The following MX2 variants were observed in gnomAD, a reference collection of about 807,000 sequenced individuals.
MX2 encodes interferon-induced GTP-binding protein Mx2.
A neutral mutation model predicts 74.0 loss-of-function variants in MX2; 51 were observed. That is an observed-to-expected ratio of 0.69 (90% CI 0.55 to 0.87). The LOEUF (loss-of-function observed/expected upper bound fraction) is 0.87, where lower values mean the gene tolerates loss of function less well. MX2 is among the 40% of genes least tolerant of loss of function. The probability of loss-of-function intolerance (pLI) is 0.00; values close to 1 mark genes in which losing one functional copy is unlikely to be tolerated. For synonymous variants in MX2, 369 were observed against 339.3 expected (o/e 1.09, Z -0.96); for missense variants, 832 against 908.7 (o/e 0.92, Z 1.09).
chr21:41,382,635 G>A (rs2089512717), intron 5 of MX2, 71 bp downstream of exon 5: 1 of 1,583,840 alleles, frequency 6.3e-7, no homozygotes, highest in African/African-American at 1.3e-5. Context: ...CCAGGGTCCT[G>A]GTGTACCTCC....
At chr21:41,401,137 T>A (rs1174088576) in intron 10 of MX2, 2 of 148,932 alleles carry the variant, frequency 1.3e-5, no homozygotes, top group African/African-American at 2.6e-5. Flanking sequence ...GGATTACAAT[T>A]TGAGATGAGA....
chr21:41,376,574 G>A (rs1311541397), intron 1 of MX2, among the ~76,000 whole-genome samples: 1 of 152,024 alleles, frequency 6.6e-6, no homozygotes, highest in Non-Finnish European at 1.5e-5. Flanking sequence ...ACTACAAGTA[G>A]CAAAGGAACA....
Position 41,402,154 on chromosome 21 carries a change from A to C in MX2, c.1573+26A>C. The C allele has an allele frequency of 6.2e-7, 1 of 1,605,348 alleles. No individual in the cohort carries two copies. The highest frequency in any genetic ancestry group is 8.5e-7 in the Non-Finnish European group (1 of 1,176,078). On this transcript the variant is annotated intron_variant, in intron 11 of 13. Transcript: ENST00000330714. The surrounding 1 kb of genome is among the most constrained non-coding windows in gnomAD (Gnocchi z 4.5). ...GTGAGGACTTTCAAGCAGGACTCCC[A>C]AACCATCACTCTCATACCTTCCATA...
At chr21:41,394,188 G>T (rs1003432063) in intron 6 of MX2, among the ~76,000 whole-genome samples, 16 of 152,188 alleles carry the variant, frequency 1.1e-4, no homozygotes, top group African/African-American at 3.9e-4. Flanking sequence ...CTCTCCTGCT[G>T]CCATCTCACA....
intron 1 of MX2, among the ~76,000 whole-genome samples, chr21:41,370,973 G>T (rs1163327066): frequency 6.6e-6 from 1 of 152,240 alleles, no homozygotes. Context: ...TTTCCAAATG[G>T]ACTGCTGAGT....
intron 1 of MX2, among the ~76,000 whole-genome samples, chr21:41,369,182 G>A (rs2089293799): frequency 6.6e-6 from 1 of 152,230 alleles, no homozygotes; most frequent in Admixed American, 6.5e-5. Flanking sequence ...CAGCCCCCAT[G>A]GGAGGAGGGG....
At position 41,407,016 on chromosome 21, in the gene MX2, C is replaced by T; in HGVS notation, c.1905+18C>T. 6.2e-7 allele frequency: 1 copy of T among 1,605,804 alleles called. No individual in the cohort carries two copies. The highest frequency in any genetic ancestry group is 8.5e-7 in the Non-Finnish European group (1 of 1,173,962). On this transcript the variant is annotated intron_variant, in intron 13 of 13. Coordinates refer to ENST00000330714, the MANE Select transcript of MX2 (RefSeq NM_002463.2). ...ACTTCTTGGTGAGTTCCCGGCGGGG[C>T]AGGAGCCGTGCTCTCTGAAATTTGC...
chr21:41,402,230 T>C lies in MX2; in HGVS notation c.1573+102T>C. 1.5e-6 allele frequency: 2 copies of C among 1,345,200 alleles called. No individual in the cohort carries two copies. The highest frequency in any genetic ancestry group is 2.0e-6 in the Non-Finnish European group (2 of 986,646). 83.3% of individuals were successfully genotyped at this position (1,345,200 alleles called of 1,614,324 possible). On this transcript the variant is annotated intron_variant, in intron 11 of 13. Coordinates refer to ENST00000330714, the MANE Select transcript of MX2 (RefSeq NM_002463.2). The surrounding 1 kb of genome is among the most constrained non-coding windows in gnomAD (Gnocchi z 4.5). ...TTGGAATGGAGTTACCAAACCAGCC[T>C]GCAGACACGCTCACTGGTGTGCTAG...
At chr21:41,372,075 A>G (rs1365546391) in intron 1 of MX2, among the ~76,000 whole-genome samples, 1 of 152,172 alleles carries the variant, frequency 6.6e-6, no homozygotes, top group South Asian at 2.1e-4. Context: ...TTTTGATAGG[A>G]AGATAGGTAT....
At chr21:41,382,285 C>T in intron 4 of MX2, 125 bp from the exon 5 acceptor site, 1 of 1,248,528 alleles carries the variant, frequency 8.0e-7, no homozygotes, top group Non-Finnish European at 1.1e-6. Flanking sequence ...GAAATGTTTT[C>T]TAAACACCAG....
intron 13 of MX2, 41 bp downstream of exon 13, chr21:41,407,039 T>C: frequency 6.3e-7 from 1 of 1,594,288 alleles, no homozygotes; most frequent in Admixed American, 1.7e-5. Context: ...CTCTGAAATT[T>C]GCAGAGCTGA....
intron 12 of MX2, chr21:41,404,287 A>C (rs1358443112): frequency 2.6e-5 from 4 of 152,762 alleles, no homozygotes; most frequent in African/African-American, 9.7e-5. Flanking sequence ...CATGACCTGC[A>C]CACTGCCCTC....
intron 10 of MX2, among the ~76,000 whole-genome samples, chr21:41,400,603 A>G (rs2089798200): frequency 2.0e-5 from 1 of 51,126 alleles, no homozygotes; most frequent in South Asian, 8.7e-4. Flanking sequence ...ATGGCTAGGG[A>G]GACCTCAGAA....
chr21:41,403,296 G>T lies in MX2; in HGVS notation c.1603G>T (p.Ala535Ser), dbSNP rs2089839904. ...TATCCAGCAAGCTTTCATTAACGTG[G>T]CCAAAAAACATTTTGGCGAATTTTT... Reference protein sequence around the residue: ...EIIQQAFINVAKKHFGEFFNL... With the variant: ...EIIQQAFINVSKKHFGEFFNL... Residue 535 changes from alanine to serine, a missense_variant, in exon 12 of 14, where the codon GCC becomes TCC. Ala to Ser is a moderately conservative substitution (Grantham distance 99, BLOSUM62 1). Transcript: ENST00000330714. The T allele has an allele frequency of 3.7e-6, 6 of 1,613,290 alleles. No individual in the cohort carries two copies. The highest frequency in any genetic ancestry group is 5.1e-6 in the Non-Finnish European group (6 of 1,179,708).
rs1275782179 is a variant in MX2 at position 41,363,345 on chromosome 21, C to G, written c.-72+1290C>G. The G allele has an allele frequency of 6.6e-6, 1 of 152,184 alleles. No individual in the cohort carries two copies. The highest frequency in any genetic ancestry group is 1.5e-5 in the Non-Finnish European group (1 of 68,110). 9.4% of individuals were successfully genotyped at this position (152,184 alleles called of 1,614,324 possible). On this transcript the variant is annotated intron_variant, in intron 1 of 13. Coordinates refer to ENST00000330714, the MANE Select transcript of MX2 (RefSeq NM_002463.2). The surrounding 1 kb of genome is among the most constrained non-coding windows in gnomAD (Gnocchi z 4.2). ...CACTGCAGCCTTAAACTTCCGGGCTCAAGTGATCCTCCTGCCTCGGCCTCC... is the reference window on the plus strand; with the variant it reads ...CACTGCAGCCTTAAACTTCCGGGCTGAAGTGATCCTCCTGCCTCGGCCTCC...
chr21:41,403,432 A>G (rs946537005), intron 12 of MX2, 89 bp downstream of exon 12: 1 of 1,181,584 alleles, frequency 8.5e-7, no homozygotes, highest in African/African-American at 1.5e-5. Context: ...ATTTGGAACC[A>G]TGAGGCCAGG....
Position 41,406,996 on chromosome 21 carries a change from T to A in MX2, c.1903T>A (p.Leu635Met). Residue 635 changes from leucine to methionine, a missense_variant and splice_region_variant, in exon 13 of 14, where the codon TTG becomes ATG. Coordinates refer to ENST00000330714, the MANE Select transcript of MX2 (RefSeq NM_002463.2). The part of the protein sequence containing the change: ...EIGIHLNAYF[L>M]ETSKRLANQI... The stretch of plus-strand genomic sequence containing the variant: ...AGGCATCCACCTGAATGCCTACTTC[T>A]TGGTGAGTTCCCGGCGGGGCAGGAG... 1 of 1,610,716 alleles carries A rather than the reference T, an allele frequency of 6.2e-7. No homozygotes were observed. The highest frequency in any genetic ancestry group is 8.5e-7 in the Non-Finnish European group (1 of 1,177,040).
chr21:41,385,291 G>T (rs2089556183), intron 5 of MX2, among the ~76,000 whole-genome samples: 1 of 152,188 alleles, frequency 6.6e-6, no homozygotes, highest in South Asian at 2.1e-4. Flanking sequence ...GCCACTGATG[G>T]TTTGGCTGTG....
chr21:41,370,961 G>A (rs1328153146), intron 1 of MX2, among the ~76,000 whole-genome samples: 1 of 152,230 alleles, frequency 6.6e-6, no homozygotes, highest in Non-Finnish European at 1.5e-5. Context: ...CAAGAGGCAA[G>A]ATTTCCAAAT....
Sources: gnomAD v4.1 joint callset for allele counts (sites outside exome capture counted in the v4.1 genomes callset) on GRCh38, gnomAD v4.1.1 for gene constraint, Gnocchi (gnomAD v3.1) non-coding constraint, MANE v1.5 for transcripts, NCBI Gene and HGNC (gene_info 2026-07-23, HGNC 2026-07-21) for gene names.